Variants in FCHSD2 observed in about 807,000 individuals in gnomAD.
The protein encoded by FCHSD2 is FCH and double SH3 domains 2.
Under a neutral mutation model 108.1 loss-of-function variants are expected in FCHSD2, and 38 were observed. The observed-to-expected ratio is 0.35, with a 90% CI of 0.27 to 0.46. The LOEUF (loss-of-function observed/expected upper bound fraction) is 0.46. Ranked by LOEUF, FCHSD2 falls within the 20% of genes least tolerant of loss-of-function variation. The pLI, the probability that FCHSD2 is intolerant of heterozygous loss-of-function variation, is 1.00. For synonymous variants in FCHSD2, 279 were observed against 314.7 expected, an observed-to-expected ratio of 0.89 and a Z score of 1.20; for missense variants, 751 against 897.8, an observed-to-expected ratio of 0.84 and a Z score of 2.09.
intron 3 of FCHSD2, among the ~76,000 whole-genome samples, chr11:73,055,593 T>C (rs186255333): frequency 1.5e-3 from 230 of 152,330 alleles, no homozygotes; most frequent in Non-Finnish European, 2.7e-3. Context: ...TAAGATTTTA[T>C]GCATATTTTA....
intron 3 of FCHSD2, among the ~76,000 whole-genome samples, chr11:73,043,187 G>A (rs1034988212): frequency 5.9e-5 from 9 of 152,132 alleles, no homozygotes; most frequent in African/African-American, 1.4e-4. Context: ...TTAGCTGTGC[G>A]TCTGTCATAC....
At chr11:72,839,019 T>G (rs1860820981) in intron 19 of FCHSD2, 145 bp from the exon 20 acceptor site, 2 of 649,662 alleles carry the variant, frequency 3.1e-6, no homozygotes, top group Non-Finnish European at 5.5e-6. Context: ...TTCAACCTAG[T>G]CTTCACTATT....
At chr11:73,121,149 A>G (rs1565100221) in intron 2 of FCHSD2, among the ~76,000 whole-genome samples, 1 of 150,994 alleles carries the variant, frequency 6.6e-6, no homozygotes, top group African/African-American at 2.4e-5. Context: ...TTGGGGTCTC[A>G]CTCTCTCTCT....
At chr11:72,973,653 G>C (rs1857049159) in intron 8 of FCHSD2, among the ~76,000 whole-genome samples, 1 of 152,196 alleles carries the variant, frequency 6.6e-6, no homozygotes, top group African/African-American at 2.4e-5. Flanking sequence ...ACTGTACTGA[G>C]AGTGTTTCAT....
intron 10 of FCHSD2, chr11:72,900,226 CCCTCCCGCCCTTG>C: frequency 1.8e-6 from 1 of 557,278 alleles, no homozygotes; most frequent in Non-Finnish European, 3.5e-6. Context: ...CACTTCCCAT[CCCTCCCGCCCTTG>C]ACCCACACCC....
chr11:73,114,037 AC>A, intron 2 of FCHSD2, among the ~76,000 whole-genome samples: 1 of 151,892 alleles, frequency 6.6e-6, no homozygotes, highest in Non-Finnish European at 1.5e-5. Flanking sequence ...TTTCCCCCAT[AC>A]CCCAGGCAGG....
intron 2 of FCHSD2, among the ~76,000 whole-genome samples, chr11:73,095,205 TAAA>T (rs1860047283): frequency 1.3e-5 from 2 of 152,038 alleles, no homozygotes; most frequent in Admixed American, 6.6e-5. Context: ...TTCCTATCAA[TAAA>T]ATAAGAATAA....
At chr11:72,856,746 C>A (rs989428250) in intron 13 of FCHSD2, among the ~76,000 whole-genome samples, 12 of 152,166 alleles carry the variant, frequency 7.9e-5, no homozygotes, top group Non-Finnish European at 1.5e-4. Context: ...AGTCTTTTGC[C>A]ACTCACTAGT....
intron 8 of FCHSD2, among the ~76,000 whole-genome samples, chr11:72,931,521 CT>C (rs1230259515): frequency 1.3e-5 from 2 of 151,556 alleles, no homozygotes; most frequent in Non-Finnish European, 2.9e-5. Flanking sequence ...AATCCCAGCA[CT>C]TTGGGAGGCC....
chr11:72,993,262 G>C (rs1857453683), intron 5 of FCHSD2, among the ~76,000 whole-genome samples: 1 of 152,182 alleles, frequency 6.6e-6, no homozygotes, highest in African/African-American at 2.4e-5. Flanking sequence ...GGAAACAACA[G>C]GTGCTGGAGA....
chr11:73,130,043 G>A (rs1158435893), intron 2 of FCHSD2, among the ~76,000 whole-genome samples: 2 of 151,626 alleles, frequency 1.3e-5, no homozygotes, highest in African/African-American at 2.4e-5. Flanking sequence ...ACCACGCCCA[G>A]CTAATTTTTT....
chr11:72,897,483 G>A (rs1255713422), intron 10 of FCHSD2, among the ~76,000 whole-genome samples: 2 of 152,060 alleles, frequency 1.3e-5, no homozygotes, highest in Non-Finnish European at 2.9e-5. Flanking sequence ...TGAAGGATGT[G>A]CACAGGTTAT....
intron 12 of FCHSD2, among the ~76,000 whole-genome samples, chr11:72,881,753 T>C (rs553096004): frequency 1.3e-5 from 2 of 152,350 alleles, no homozygotes; most frequent in East Asian, 1.9e-4. Context: ...CTGGAGGTCA[T>C]TATGTTAAGT....
chr11:73,064,082 C>T (rs1303303919), intron 3 of FCHSD2, among the ~76,000 whole-genome samples: 1 of 152,136 alleles, frequency 6.6e-6, no homozygotes, highest in East Asian at 1.9e-4. Flanking sequence ...GAAATCATAA[C>T]AGTCTCTCAG....
At chr11:72,941,057 C>A in intron 8 of FCHSD2, 1 of 663,980 alleles carries the variant, frequency 1.5e-6, no homozygotes, top group South Asian at 1.6e-5. Flanking sequence ...ATTGGTGGTT[C>A]TTGCCGGGCA....
chr11:73,061,719 C>T (rs1374411183), intron 3 of FCHSD2, among the ~76,000 whole-genome samples: 3 of 152,182 alleles, frequency 2.0e-5, no homozygotes, highest in Non-Finnish European at 2.9e-5. Context: ...TGGGTGGAGC[C>T]CACTGCAGCT....
At chr11:72,888,114 G>A (rs761387968) in intron 11 of FCHSD2, among the ~76,000 whole-genome samples, 5 of 152,148 alleles carry the variant, frequency 3.3e-5, no homozygotes, top group South Asian at 2.1e-4. Flanking sequence ...TAAAGAATAA[G>A]AAAACAAGAT....
chr11:72,928,405 A>G (rs1216661158), intron 8 of FCHSD2, among the ~76,000 whole-genome samples: 1 of 152,162 alleles, frequency 6.6e-6, no homozygotes, highest in African/African-American at 2.4e-5. Context: ...TCTACTTCCC[A>G]ACTATACTGA....
At chr11:72,872,271 C>CT (rs1286301477) in intron 12 of FCHSD2, among the ~76,000 whole-genome samples, 4 of 112,760 alleles carry the variant, frequency 3.5e-5, no homozygotes, top group African/African-American at 6.8e-5. Flanking sequence ...TGGCACACAA[C>CT]TTTTTTTTTC....
Sources: gnomAD v4.1 joint callset for allele counts (sites outside exome capture counted in the v4.1 genomes callset) on GRCh38, gnomAD v4.1.1 for gene constraint, MANE v1.5 for transcripts, NCBI Gene and HGNC (gene_info 2026-07-23, HGNC 2026-07-21) for gene names.